MACROD1: variants seen among roughly 807,000 people sequenced by gnomAD.
MACROD1 encodes mono-ADP ribosylhydrolase 1.
A neutral mutation model predicts 41.4 loss-of-function variants in MACROD1; 31 were observed. The ratio of observed to expected loss-of-function variants is 0.75; its 90% CI spans 0.56 to 1.01. MACROD1 has a LOEUF of 1.01. Among genes scored for constraint, MACROD1 ranks in the 50% least tolerant of loss-of-function variants. The pLI is 0.00. For synonymous variants in MACROD1, 252 were observed against 203.4 expected (o/e 1.24, Z -2.03); for missense variants, 473 against 460.0 (o/e 1.03, Z -0.26).
At chr11:64,068,056 A>G (rs1282225913) in intron 3 of MACROD1, among the ~76,000 whole-genome samples, 1 of 152,274 alleles carries the variant, frequency 6.6e-6, no homozygotes, top group Non-Finnish European at 1.5e-5. Flanking sequence ...TCACAGATAA[A>G]TACATTAAAA....
At chr11:64,116,870 G>A (rs750545210) in intron 3 of MACROD1, 2 of 1,612,116 alleles carry the variant, frequency 1.2e-6, no homozygotes, top group South Asian at 2.2e-5. Context: ...ACACGCTGGA[G>A]GAGCTGCGGC....
At chr11:64,078,745 G>A (rs1944249768) in intron 3 of MACROD1, among the ~76,000 whole-genome samples, 1 of 152,078 alleles carries the variant, frequency 6.6e-6, no homozygotes, top group Admixed American at 6.5e-5. Context: ...CCCAAGCTGG[G>A]GAGACAGGCC....
Position 64,067,500 on chromosome 11 carries a change from G to A in MACROD1, c.518-52219C>T, listed in dbSNP as rs1207693885. ...GAAGGGAGGAGATAGGTCGGGGACG[G>A]GGACAGACGGCACCTCCCCAACTCC... On this transcript the variant is annotated intron_variant, in intron 3 of 10. Coordinates refer to ENST00000255681, the MANE Select transcript of MACROD1 (RefSeq NM_014067.4). The surrounding 1 kb of genome is among the most constrained non-coding windows in gnomAD (Gnocchi z 4.6). Among the ~76,000 whole-genome samples, 1 of 152,084 alleles carries A rather than the reference G, an allele frequency of 6.6e-6. No homozygotes were observed. Among genetic ancestry groups the A allele is most frequent in the Non-Finnish European group, 1.5e-5 (1 of 67,998 alleles).
chr11:64,074,235 A>C (rs1944160804), intron 3 of MACROD1, among the ~76,000 whole-genome samples: 1 of 152,196 alleles, frequency 6.6e-6, no homozygotes, highest in South Asian at 2.1e-4. Flanking sequence ...CCCAGAATGC[A>C]GTTCGTGGGG....
At chr11:64,091,468 G>A (rs1391742470) in intron 3 of MACROD1, among the ~76,000 whole-genome samples, 1 of 151,654 alleles carries the variant, frequency 6.6e-6, no homozygotes, top group Non-Finnish European at 1.5e-5. Context: ...GGTGGATGTG[G>A]GGGACGAGCC....
intron 3 of MACROD1, among the ~76,000 whole-genome samples, chr11:64,075,468 C>T (rs1944183939): frequency 1.3e-5 from 2 of 152,262 alleles, no homozygotes; most frequent in African/African-American, 2.4e-5. Context: ...GGCTAAATAA[C>T]TTCCCCAAAG....
chr11:64,016,055 C>T (rs1442973160), intron 3 of MACROD1, among the ~76,000 whole-genome samples: 1 of 152,170 alleles, frequency 6.6e-6, no homozygotes, highest in Non-Finnish European at 1.5e-5. Context: ...CCTGGGTCCC[C>T]GCCCCCTCCT....
At chr11:64,121,254 C>A (rs560605872) in intron 3 of MACROD1, among the ~76,000 whole-genome samples, 2 of 152,298 alleles carry the variant, frequency 1.3e-5, no homozygotes, top group East Asian at 1.9e-4. Flanking sequence ...CAGGACCACG[C>A]GAGTCTCCTG....
intron 3 of MACROD1, among the ~76,000 whole-genome samples, chr11:64,043,707 G>A (rs1052919645): frequency 6.6e-6 from 1 of 152,162 alleles, no homozygotes; most frequent in Non-Finnish European, 1.5e-5. Flanking sequence ...ACTCTACCTT[G>A]CAGAATCCCA....
intron 3 of MACROD1, among the ~76,000 whole-genome samples, chr11:64,060,929 A>G (rs1354656927): frequency 6.6e-6 from 1 of 151,866 alleles, no homozygotes; most frequent in East Asian, 2.0e-4. Context: ...CTTGGCGGGC[A>G]TGCGCACCGC....
intron 3 of MACROD1, among the ~76,000 whole-genome samples, chr11:64,105,209 G>A (rs188174627): frequency 2.0e-5 from 3 of 152,330 alleles, no homozygotes; most frequent in East Asian, 1.9e-4. Context: ...TGCCTGAGCC[G>A]GAGCTGGGCT....
chr11:64,160,119 C>T (rs1565266112), intron 1 of MACROD1, among the ~76,000 whole-genome samples: 1 of 152,142 alleles, frequency 6.6e-6, no homozygotes, highest in Non-Finnish European at 1.5e-5. Flanking sequence ...GAGCAAACGC[C>T]CGGGGAAGGG....
chr11:64,138,643 G>A (rs560079836), intron 3 of MACROD1: 18 of 731,582 alleles, frequency 2.5e-5, no homozygotes, highest in South Asian at 1.2e-4. Flanking sequence ...GATGCCGCTC[G>A]GCTCTGGTTT....
intron 3 of MACROD1, among the ~76,000 whole-genome samples, chr11:64,098,217 T>G (rs1328097846): frequency 1.3e-5 from 2 of 152,144 alleles, no homozygotes; most frequent in African/African-American, 4.8e-5. Context: ...CCCCTGCCCT[T>G]GTACAAAGAC....
rs561134620 is a variant in MACROD1 at position 64,056,591 on chromosome 11, C to A, written c.518-41310G>T. Among the ~76,000 whole-genome samples, 106 of 152,328 alleles carry A rather than the reference C, an allele frequency of 7.0e-4. 1 individual carries two copies. The highest frequency in any genetic ancestry group is 2.5e-4 in the Non-Finnish European group (17 of 68,012). On this transcript the variant is annotated intron_variant, in intron 3 of 10. Transcript: ENST00000255681. ...GCCCCAAAGGCTGCGGCCAGGGTGGCCAGCCCTGAGTCCGGATGGCAGCAG... is the reference window on the plus strand; with the variant it reads ...GCCCCAAAGGCTGCGGCCAGGGTGGACAGCCCTGAGTCCGGATGGCAGCAG...
intron 3 of MACROD1, among the ~76,000 whole-genome samples, chr11:64,070,231 G>A (rs1944081139): frequency 6.6e-6 from 1 of 152,122 alleles, no homozygotes; most frequent in African/African-American, 2.4e-5. Context: ...ACCAAGTGGG[G>A]TGTCTGAGTC....
Position 63,999,055 on chromosome 11 carries a change from A to AGCCTGGGCCGAGCTGCCAC in MACROD1, c.892-38_892-20dup. Reference sequence around the variant, plus strand: ...GGTCCACCTGCGCCAGGGGCTGCTCAGCCTGGGCCGAGCTGCCACGCCTGG... The same window carrying AGCCTGGGCCGAGCTGCCAC: ...GGTCCACCTGCGCCAGGGGCTGCTCAGCCTGGGCCGAGCTGCCACGCCTGGGCCGAGCTGCCACGCCTGG... On this transcript the variant is annotated intron_variant, in intron 8 of 10. Coordinates refer to ENST00000255681, the MANE Select transcript of MACROD1 (RefSeq NM_014067.4). The AGCCTGGGCCGAGCTGCCAC allele has an allele frequency of 6.3e-7, 1 of 1,588,444 alleles. No individual in the cohort carries two copies. The highest frequency in any genetic ancestry group is 8.6e-7 in the Non-Finnish European group (1 of 1,169,068).
At chr11:64,117,971 G>T in intron 3 of MACROD1, 1 of 1,613,770 alleles carries the variant, frequency 6.2e-7, no homozygotes, top group Non-Finnish European at 8.5e-7. Flanking sequence ...TCCTCTTCCT[G>T]GTCCTGGGGG....
intron 3 of MACROD1, among the ~76,000 whole-genome samples, chr11:64,089,429 G>A (rs1944451605): frequency 6.6e-6 from 1 of 152,222 alleles, no homozygotes; most frequent in Non-Finnish European, 1.5e-5. Context: ...CTGTAACATG[G>A]AGGAGTCGTC....
Sources: gnomAD v4.1 joint callset for allele counts (sites outside exome capture counted in the v4.1 genomes callset) on GRCh38, gnomAD v4.1.1 for gene constraint, Gnocchi (gnomAD v3.1) non-coding constraint, MANE v1.5 for transcripts, NCBI Gene and HGNC (gene_info 2026-07-23, HGNC 2026-07-21) for gene names.